Variants in GRIK3 observed in about 807,000 individuals in gnomAD.
The protein encoded by GRIK3 is glutamate ionotropic receptor kainate type subunit 3, also known as glutamate receptor ionotropic, kainate 3.
GRIK3 carries 29 observed loss-of-function variants against 102.5 expected under a neutral mutation model. The ratio of observed to expected loss-of-function variants is 0.28; its 90% CI spans 0.21 to 0.39. GRIK3 has a LOEUF of 0.39. GRIK3 is among the 10% of genes least tolerant of loss of function. GRIK3 has a pLI of 1.00. For missense variants in GRIK3, 908 were observed against 1,252.4 expected (o/e 0.73, Z 4.15); for synonymous variants, 511 against 504.9 (o/e 1.01, Z -0.16).
chr1:36,934,410 T>C (rs925774428), intron 1 of GRIK3, among the ~76,000 whole-genome samples: 1 of 152,202 alleles, frequency 6.6e-6, no homozygotes, highest in Admixed American at 6.5e-5. Context: ...TCTGCCCTAG[T>C]CATGGTGATC....
intron 1 of GRIK3, among the ~76,000 whole-genome samples, chr1:36,996,051 C>A (rs1235172648): frequency 6.6e-6 from 1 of 152,208 alleles, no homozygotes; most frequent in African/African-American, 2.4e-5. Flanking sequence ...AGATCCTCCA[C>A]CACCTGCCTC....
chr1:37,012,514 A>G (rs999231398), intron 1 of GRIK3, among the ~76,000 whole-genome samples: 7 of 152,240 alleles, frequency 4.6e-5, no homozygotes, highest in African/African-American at 1.7e-4. Flanking sequence ...AGAGGGTTAC[A>G]TGTTAAGAAA....
Position 36,816,017 on chromosome 1 carries a change from G to A in GRIK3, c.2091+1043C>T, listed in dbSNP as rs373659420. 7.7e-4 allele frequency among the ~76,000 whole-genome samples: 117 copies of A among 151,732 alleles called. 1 individual carries two copies. The highest frequency in any genetic ancestry group is 2.6e-3 in the African/African-American group (108 of 41,350). On this transcript the variant is annotated intron_variant, in intron 13 of 15. Coordinates refer to ENST00000373091, the MANE Select transcript of GRIK3 (RefSeq NM_000831.4). ...GCTCACCTCGGCCTCCAAAAGTGCT[G>A]GGATTACAGGCATGAGCCACCGTGC... is the stretch of plus-strand genomic sequence containing the variant.
At chr1:37,012,619 A>C (rs923391666) in intron 1 of GRIK3, among the ~76,000 whole-genome samples, 2 of 152,184 alleles carry the variant, frequency 1.3e-5, no homozygotes, top group African/African-American at 4.8e-5. Flanking sequence ...GCATTTTGAC[A>C]CCACATTTCT....
At chr1:36,986,363 C>CCATT (rs1557452831) in intron 1 of GRIK3, among the ~76,000 whole-genome samples, 1 of 151,652 alleles carries the variant, frequency 6.6e-6, no homozygotes, top group African/African-American at 2.4e-5. Flanking sequence ...ATCCATCCAT[C>CCATT]CGTCAGTCCG....
intron 1 of GRIK3, among the ~76,000 whole-genome samples, chr1:37,030,664 C>T (rs1046965841): frequency 2.0e-5 from 3 of 151,764 alleles, no homozygotes; most frequent in Admixed American, 6.6e-5. Context: ...GAAGAGCTGG[C>T]CAGGCTTCCC....
intron 1 of GRIK3, among the ~76,000 whole-genome samples, chr1:36,931,314 C>T (rs945394598): frequency 2.3e-4 from 35 of 152,288 alleles, no homozygotes; most frequent in Admixed American, 1.8e-3. Context: ...GCCCAGCCTC[C>T]CCTGGAGAGA....
At chr1:36,855,395 A>G (rs1640639667) in intron 7 of GRIK3, among the ~76,000 whole-genome samples, 1 of 152,234 alleles carries the variant, frequency 6.6e-6, no homozygotes, top group Non-Finnish European at 1.5e-5. Context: ...AGTTTCATTG[A>G]CAAATCCCAA....
Position 36,814,996 on chromosome 1 carries a change from C to T in GRIK3, c.2091+2064G>A, listed in dbSNP as rs970635812. ...CCACACAGGCAGAGTTGTGCACAGG[C>T]ACATGTGTGCACATACACACACGTG... is the stretch of plus-strand genomic sequence containing the variant. On this transcript the variant is annotated intron_variant, in intron 13 of 15. Transcript: ENST00000373091. 2.0e-5 allele frequency among the ~76,000 whole-genome samples: 3 copies of T among 152,138 alleles called. No individual in the cohort carries two copies. In the South Asian group the frequency reaches 6.2e-4, roughly 32 times the overall value.
chr1:36,947,830 C>T (rs930423485), intron 1 of GRIK3, among the ~76,000 whole-genome samples: 2 of 152,108 alleles, frequency 1.3e-5, no homozygotes, highest in African/African-American at 4.8e-5. Flanking sequence ...GCTCCTGATA[C>T]TTGTTGAATG....
intron 1 of GRIK3, among the ~76,000 whole-genome samples, chr1:36,976,118 T>C (rs1235346219): frequency 6.6e-6 from 1 of 152,124 alleles, no homozygotes; most frequent in African/African-American, 2.4e-5. Context: ...CAGCAGGGGA[T>C]GGACACATGG....
chr1:36,906,002 C>T (rs896658942), intron 1 of GRIK3, among the ~76,000 whole-genome samples: 14 of 152,168 alleles, frequency 9.2e-5, no homozygotes, highest in African/African-American at 3.4e-4. Flanking sequence ...GGTGACATGT[C>T]TCAGCCATTA....
chr1:37,009,646 A>G (rs1162726343), intron 1 of GRIK3, among the ~76,000 whole-genome samples: 1 of 152,194 alleles, frequency 6.6e-6, no homozygotes, highest in Non-Finnish European at 1.5e-5. Flanking sequence ...CCATGTTACC[A>G]GAGTTCAGGG....
intron 1 of GRIK3, among the ~76,000 whole-genome samples, chr1:36,952,457 C>A (rs776738093): frequency 4.6e-5 from 7 of 152,226 alleles, no homozygotes; most frequent in Non-Finnish European, 7.3e-5. Flanking sequence ...AACCTCCAGA[C>A]CACCTCTCTC....
At position 36,858,986 on chromosome 1, in the gene GRIK3, G is replaced by A. The variant is rs893615952; in HGVS notation, c.1104+122C>T. Reference sequence around the variant, plus strand: ...GGGAAACTGAGGCTCGGAGACATGAGGCAACTTGCCTGAGGTCACATGGAT... The same window carrying A: ...GGGAAACTGAGGCTCGGAGACATGAAGCAACTTGCCTGAGGTCACATGGAT... On this transcript the variant is annotated intron_variant, in intron 7 of 15. Coordinates refer to ENST00000373091, the MANE Select transcript of GRIK3 (RefSeq NM_000831.4). 2.3e-5 allele frequency: 20 copies of A among 868,582 alleles called. 1 individual carries two copies. The African/African-American group carries it at 2.6e-4, about 11-fold the overall frequency. 53.8% of individuals were successfully genotyped at this position (868,582 alleles called of 1,614,324 possible).
In GRIK3 at chr1:36,920,111, G is replaced by C. The variant is rs193140545; in HGVS notation, c.116-29015C>G. On this transcript the variant is annotated intron_variant, in intron 1 of 15. Transcript: ENST00000373091. Reference sequence around the variant, plus strand: ...CTGTAGCAGACTGACCCCTGAAACTGGTCTGTCCTGAAGCTGGTCGGCCTT... The same window carrying C: ...CTGTAGCAGACTGACCCCTGAAACTCGTCTGTCCTGAAGCTGGTCGGCCTT... Among the ~76,000 whole-genome samples, 4 of 152,308 alleles carry C rather than the reference G, an allele frequency of 2.6e-5. No homozygotes were observed. The East Asian group carries it at 5.8e-4, about 22-fold the overall frequency.
chr1:36,876,135 AG>A (rs1422245741), intron 3 of GRIK3, among the ~76,000 whole-genome samples: 1 of 152,184 alleles, frequency 6.6e-6, no homozygotes, highest in Admixed American at 6.5e-5. Context: ...CAGTGCTTTG[AG>A]AGGCTAAAGC....
chr1:36,916,849 G>A (rs1159808910), intron 1 of GRIK3, among the ~76,000 whole-genome samples: 3 of 152,184 alleles, frequency 2.0e-5, no homozygotes, highest in African/African-American at 4.8e-5. Flanking sequence ...GGGAAATGTG[G>A]GGTTGGAGCC....
chr1:36,930,250 C>T (rs535144729), intron 1 of GRIK3, among the ~76,000 whole-genome samples: 1 of 152,324 alleles, frequency 6.6e-6, no homozygotes, highest in East Asian at 1.9e-4. Context: ...CTTCTGGTTT[C>T]AGCTTCTGGA....
Sources: allele counts gnomAD v4.1 joint callset (sites outside exome capture counted in the v4.1 genomes callset), GRCh38; gene constraint gnomAD v4.1.1; transcripts MANE v1.5; gene names NCBI Gene and HGNC (gene_info 2026-07-23, HGNC 2026-07-21).